Variants in TTF1 observed in about 807,000 individuals in gnomAD.
TTF1 encodes the protein transcription termination factor 1.
In TTF1, 64 loss-of-function variants were observed where a neutral mutation model predicts 80.2. That is an observed-to-expected ratio of 0.80 (90% CI 0.65 to 0.98). The LOEUF is 0.98. Among genes scored for constraint, TTF1 ranks in the 50% least tolerant of loss-of-function variants. The pLI is 0.00. For synonymous variants in TTF1, 372 were observed against 382.7 expected, an observed-to-expected ratio of 0.97 and a Z score of 0.33; for missense variants, 1,023 against 1,086.2, an observed-to-expected ratio of 0.94 and a Z score of 0.82.
rs758698473 is a variant in TTF1 at position 132,392,095 on chromosome 9, C to T, written c.1968G>A (p.Lys656=). The change falls in exon 6 of 11, where the codon AAG becomes AAA. Residue 656 remains lysine (K), a synonymous_variant. Coordinates refer to ENST00000334270, the MANE Select transcript of TTF1 (RefSeq NM_007344.4). ...ACTTACGACTGCTGATCTGTGAGAA[C>T]TTGAGGGCCACGGAGAGGCTACTTC... is the stretch of plus-strand genomic sequence containing the variant. ...VARSSLSVAL[K]FSQISSQRNR... 17 of 1,613,946 alleles carry T rather than the reference C, an allele frequency of 1.1e-5. No individual in the cohort carries two copies.
At chr9:132,379,809 T>A (rs977423693) in intron 9 of TTF1, among the ~76,000 whole-genome samples, 14 of 152,230 alleles carry the variant, frequency 9.2e-5, no homozygotes, top group Non-Finnish European at 1.0e-4. Context: ...CATTTCAATT[T>A]ACAATAAGTG....
Position 132,392,194 on chromosome 9 carries a change from T to A in TTF1, c.1869A>T (p.Gly623=). ...GGTACATCTTTAACTTCTCAGTATCTCCTTCGCTATACCTAGGAGAAAGGG... is the reference window on the plus strand; with the variant it reads ...GGTACATCTTTAACTTCTCAGTATCACCTTCGCTATACCTAGGAGAAAGGG... ...VNNYKGRYSE[G]DTEKLKMYHS... Residue 623 remains glycine, a synonymous_variant, in exon 6 of 11, where the codon GGA becomes GGT. Coordinates refer to ENST00000334270, the MANE Select transcript of TTF1 (RefSeq NM_007344.4). 1.2e-6 allele frequency: 2 copies of A among 1,614,134 alleles called. No homozygotes were observed. The highest frequency in any genetic ancestry group is 1.1e-5 in the South Asian group (1 of 91,080).
chr9:132,387,334 A>T (rs1849486985), intron 8 of TTF1, among the ~76,000 whole-genome samples: 1 of 152,174 alleles, frequency 6.6e-6, no homozygotes, highest in South Asian at 2.1e-4. Context: ...CAAGAGACAC[A>T]GTCATGGGCT....
At chr9:132,377,882 T>TGTGTGAGTGCATGTG (rs1177572705) in intron 10 of TTF1, among the ~76,000 whole-genome samples, 1 of 117,240 alleles carries the variant, frequency 8.5e-6, no homozygotes, top group Non-Finnish European at 1.6e-5. Context: ...GCATGTGGTG[T>TGTGTGAGTGCATGTG]GTGTGAGTGC....
chr9:132,377,249 G>A (rs1325370555), intron 10 of TTF1, among the ~76,000 whole-genome samples: 1 of 143,414 alleles, frequency 7.0e-6, no homozygotes, highest in East Asian at 2.1e-4. Flanking sequence ...TGCATGTGGT[G>A]TGTGTGAGTG....
Position 132,376,179 on chromosome 9 carries a change from GA to G in TTF1, c.2465-12del. ...GGTAGTCGATGATCTCTACAGAAAA[GA>G]AATTTAATTGTGCAGTTATCTGTCT... On this transcript the variant is annotated splice_polypyrimidine_tract_variant and intron_variant, in intron 10 of 10. Coordinates refer to ENST00000334270, the MANE Select transcript of TTF1 (RefSeq NM_007344.4). 6.2e-7 allele frequency: 1 copy of G among 1,605,402 alleles called. No individual in the cohort carries two copies. Among genetic ancestry groups the G allele is most frequent in the Non-Finnish European group, 8.5e-7 (1 of 1,178,158 alleles).
At chr9:132,387,501 CA>C (rs1849489810) in intron 8 of TTF1, among the ~76,000 whole-genome samples, 1 of 114,732 alleles carries the variant, frequency 8.7e-6, no homozygotes, top group Non-Finnish European at 2.3e-5. Context: ...GAAAGAGGAT[CA>C]GGAAACCCAC....
chr9:132,376,049 A>C lies in TTF1; in HGVS notation c.2584T>G (p.Phe862Val). ...TCTTCATAATAAAAGATGTCTCGAA[A>C]TGGGAAAACTTGCTTGGGTGCTGCA... Reference protein sequence around the residue: ...TPAAPKQVFPFRDIFYYEDDS... With the variant: ...TPAAPKQVFPVRDIFYYEDDS... The change falls in exon 11 of 11, where the codon TTT becomes GTT. Residue 862 changes from phenylalanine (F) to valine (V), a missense_variant. Coordinates refer to ENST00000334270, the MANE Select transcript of TTF1 (RefSeq NM_007344.4). 6.2e-7 allele frequency: 1 copy of C among 1,614,212 alleles called. No individual in the cohort carries two copies.
At chr9:132,377,722 GT>G (rs1242272954) in intron 10 of TTF1, among the ~76,000 whole-genome samples, 4 of 122,956 alleles carry the variant, frequency 3.3e-5, no homozygotes, top group Admixed American at 1.7e-4. Flanking sequence ...GAGTGCATGT[GT>G]GTGTGAGTGC....
intron 10 of TTF1, among the ~76,000 whole-genome samples, chr9:132,377,530 G>C (rs1440888714): frequency 7.0e-6 from 1 of 143,720 alleles, no homozygotes; most frequent in Non-Finnish European, 1.5e-5. Context: ...CATGCATGTA[G>C]TGTGAGTGCA....
At chr9:132,387,677 C>T (rs1388671106) in intron 8 of TTF1, among the ~76,000 whole-genome samples, 7 of 152,116 alleles carry the variant, frequency 4.6e-5, no homozygotes, top group East Asian at 1.9e-4. Flanking sequence ...CCCTTTTCCT[C>T]GTCACCCTTC....
At chr9:132,394,971 C>T (rs575448888) in intron 5 of TTF1, among the ~76,000 whole-genome samples, 5 of 151,392 alleles carry the variant, frequency 3.3e-5, no homozygotes, top group African/African-American at 1.2e-4. Context: ...GCAGGTGGAT[C>T]GCCTGAGGTC....
chr9:132,376,266 CT>C, intron 10 of TTF1, 98 bp from the exon 11 acceptor site: 1 of 1,275,238 alleles, frequency 7.8e-7, no homozygotes, highest in South Asian at 1.5e-5. Flanking sequence ...ATGAACTGCT[CT>C]TGTTATTGCT....
At chr9:132,396,588 C>CTTA in intron 4 of TTF1, 77 bp from the exon 5 acceptor site, 2 of 1,190,472 alleles carry the variant, frequency 1.7e-6, no homozygotes, top group South Asian at 2.4e-5. Flanking sequence ...CAGAACAGCC[C>CTTA]TTATAACAAC....
At position 132,375,865 on chromosome 9, in the gene TTF1, T is replaced by C. The variant is rs1002164722; in HGVS notation, c.*50A>G. On this transcript the variant is annotated 3_prime_UTR_variant, in exon 11 of 11. Transcript: ENST00000334270. ...ACCCGGCTAATTTTTGCATTTTTAATAGTGACAGGTCTTCACCATGTTGGT... is the reference window on the plus strand; with the variant it reads ...ACCCGGCTAATTTTTGCATTTTTAACAGTGACAGGTCTTCACCATGTTGGT... 2.6e-6 allele frequency: 3 copies of C among 1,170,732 alleles called. No homozygotes were observed. The highest frequency in any genetic ancestry group is 2.5e-5 in the East Asian group (1 of 39,226). The allele number at this position is 1,170,732 out of a possible 1,614,324, so 72.5% of individuals were successfully genotyped here.
chr9:132,389,892 G>C (rs1393078443), intron 7 of TTF1, among the ~76,000 whole-genome samples: 1 of 152,236 alleles, frequency 6.6e-6, no homozygotes, highest in African/African-American at 2.4e-5. Flanking sequence ...GAAGCAGAAA[G>C]CACATTAGAA....
chr9:132,396,631 GATT>G, intron 4 of TTF1, 120 bp from the exon 5 acceptor site: 2 of 763,752 alleles, frequency 2.6e-6, no homozygotes, highest in Non-Finnish European at 4.5e-6. Flanking sequence ...TTAAGGCTGG[GATT>G]TCCTACGTCC....
intron 10 of TTF1, 106 bp from the exon 11 acceptor site, chr9:132,376,274 T>C (rs1849175329): frequency 4.0e-6 from 5 of 1,245,430 alleles, no homozygotes. Context: ...CTCTTGTTAT[T>C]GCTGTGTGTA....
In TTF1 at chr9:132,401,567, A is replaced by G; in HGVS notation, c.1255T>C (p.Phe419Leu). ...VPSKNSESTL[F>L]DSVEGDGAMM... ...GCGCCATCACCTTCTACTGAATCAA[A>G]GAGTGTGCTCTCAGAGTTCTTACTG... Residue 419 changes from phenylalanine (F) to leucine (L), a missense_variant, in exon 2 of 11, where the codon TTT becomes CTT. Phe to Leu is a conservative substitution (Grantham distance 22). Coordinates refer to ENST00000334270, the MANE Select transcript of TTF1 (RefSeq NM_007344.4). The G allele has an allele frequency of 6.2e-7, 1 of 1,614,152 alleles. No homozygotes were observed. Among genetic ancestry groups the G allele is most frequent in the South Asian group, 1.1e-5 (1 of 91,082 alleles).
Sources: gnomAD v4.1 joint callset for allele counts (sites outside exome capture counted in the v4.1 genomes callset) on GRCh38, gnomAD v4.1.1 for gene constraint, MANE v1.5 for transcripts, NCBI Gene and HGNC (gene_info 2026-07-23, HGNC 2026-07-21) for gene names.